MARCHF1: variants seen among roughly 807,000 people sequenced by gnomAD.
MARCHF1 encodes the protein E3 ubiquitin-protein ligase MARCHF1.
MARCHF1 carries 40 observed loss-of-function variants against 54.2 expected under a neutral mutation model. The observed-to-expected ratio is 0.74, with a 90% CI of 0.57 to 0.96. MARCHF1 has a LOEUF of 0.96. MARCHF1 is among the 40% of genes least tolerant of loss of function. The probability of loss-of-function intolerance (pLI) is 0.00; values close to 1 mark genes in which losing one functional copy is unlikely to be tolerated. For synonymous variants in MARCHF1, 236 were observed against 236.3 expected, an observed-to-expected ratio of 1.00 and a Z score of 0.01; for missense variants, 586 against 656.5, an observed-to-expected ratio of 0.89 and a Z score of 1.17.
intron 2 of MARCHF1, among the ~76,000 whole-genome samples, chr4:164,058,282 G>C (rs1754538704): frequency 6.6e-6 from 1 of 152,118 alleles, no homozygotes. Context: ...AAAGAGAAAA[G>C]AAAATCTAAT....
At chr4:163,690,306 T>C (rs1438355354) in intron 5 of MARCHF1, among the ~76,000 whole-genome samples, 1 of 152,244 alleles carries the variant, frequency 6.6e-6, no homozygotes, top group Non-Finnish European at 1.5e-5. Flanking sequence ...ATGTTCACAG[T>C]GTCAATAGAA....
chr4:163,949,434 T>A (rs1752088003), intron 3 of MARCHF1, among the ~76,000 whole-genome samples: 1 of 152,170 alleles, frequency 6.6e-6, no homozygotes, highest in South Asian at 2.1e-4. Flanking sequence ...CTGCAGCTCG[T>A]CTATCCTCTC....
At chr4:163,627,213 T>C (rs1186829494) in intron 5 of MARCHF1, among the ~76,000 whole-genome samples, 1 of 152,160 alleles carries the variant, frequency 6.6e-6, no homozygotes, top group African/African-American at 2.4e-5. Context: ...AAATTCACTA[T>C]CATCTGAGAA....
chr4:164,056,181 C>G (rs933345603), intron 2 of MARCHF1, among the ~76,000 whole-genome samples: 1 of 152,140 alleles, frequency 6.6e-6, no homozygotes, highest in African/African-American at 2.4e-5. Flanking sequence ...TCTCCCATAA[C>G]CAGCACCTAC....
At chr4:163,553,041 A>AG (rs1739165777) in intron 8 of MARCHF1, among the ~76,000 whole-genome samples, 2 of 113,074 alleles carry the variant, frequency 1.8e-5, no homozygotes, top group African/African-American at 2.8e-5. Context: ...TCAAAAAAAA[A>AG]AAAAAAAAAA....
chr4:164,365,633 C>T (rs1042587867), intron 1 of MARCHF1, among the ~76,000 whole-genome samples: 6 of 151,950 alleles, frequency 3.9e-5, no homozygotes, highest in Non-Finnish European at 4.4e-5. Context: ...ATCTCATTTA[C>T]TTAGATGTTA....
In MARCHF1 at chr4:163,802,543, T is replaced by C. The variant is rs529191283; in HGVS notation, c.111+51478A>G. Among the ~76,000 whole-genome samples, 12 of 152,324 alleles carry C rather than the reference T, an allele frequency of 7.9e-5. No homozygotes were observed. The East Asian group carries it at 2.1e-3, about 27-fold the overall frequency. ...TTTTTAATCCTCAAGCAGCTTTTGC[T>C]GTAACTGCAGTGTTTTTTACAGGAG... On this transcript the variant is annotated intron_variant, in intron 4 of 9. Transcript: ENST00000514618.
At chr4:163,901,374 T>C (rs187177162) in intron 3 of MARCHF1, among the ~76,000 whole-genome samples, 267 of 152,350 alleles carry the variant, frequency 1.8e-3, no homozygotes, top group Middle Eastern at 0.01. Context: ...AGTAACCTAA[T>C]GGCAAACTTT....
At chr4:164,056,503 G>A (rs926145477) in intron 2 of MARCHF1, among the ~76,000 whole-genome samples, 4 of 101,390 alleles carry the variant, frequency 3.9e-5, no homozygotes, top group Non-Finnish European at 8.8e-5. Flanking sequence ...GCTTTTCTTG[G>A]AAGATTTCCT....
At chr4:163,604,554 A>G (rs887382341) in intron 7 of MARCHF1, among the ~76,000 whole-genome samples, 4 of 152,050 alleles carry the variant, frequency 2.6e-5, no homozygotes, top group Admixed American at 6.6e-5. Context: ...TCTTGTCTCC[A>G]CCAATCTATT....
At chr4:164,085,694 A>T (rs1022380472) in intron 2 of MARCHF1, among the ~76,000 whole-genome samples, 2 of 151,826 alleles carry the variant, frequency 1.3e-5, no homozygotes, top group African/African-American at 4.8e-5. Flanking sequence ...CGCAAATAAA[A>T]CCCTTAAGTA....
At chr4:164,026,113 A>C (rs1753761309) in intron 2 of MARCHF1, among the ~76,000 whole-genome samples, 1 of 152,080 alleles carries the variant, frequency 6.6e-6, no homozygotes, top group African/African-American at 2.4e-5. Flanking sequence ...ACAACAAAAA[A>C]TTGCTGGACA....
At chr4:163,631,280 C>T (rs1168924125) in intron 5 of MARCHF1, among the ~76,000 whole-genome samples, 1 of 150,096 alleles carries the variant, frequency 6.7e-6, no homozygotes, top group Non-Finnish European at 1.5e-5. Flanking sequence ...GCAACCTCTG[C>T]CTCACAGATT....
chr4:164,332,489 T>A (rs1273587460), intron 1 of MARCHF1, among the ~76,000 whole-genome samples: 1 of 152,230 alleles, frequency 6.6e-6, no homozygotes, highest in Non-Finnish European at 1.5e-5. Flanking sequence ...GATGGTGTGA[T>A]AGCAGGCAGT....
At chr4:164,045,937 T>G (rs1177587425) in intron 2 of MARCHF1, among the ~76,000 whole-genome samples, 1 of 152,206 alleles carries the variant, frequency 6.6e-6, no homozygotes, top group Non-Finnish European at 1.5e-5. Context: ...AGCAAATAAG[T>G]TAGCCTGCTG....
At chr4:164,025,312 A>G (rs544576103) in intron 2 of MARCHF1, among the ~76,000 whole-genome samples, 71 of 152,224 alleles carry the variant, frequency 4.7e-4, no homozygotes, top group Middle Eastern at 6.8e-3. Flanking sequence ...CACAGAACAT[A>G]TTCTTTAAAA....
chr4:164,340,924 A>G (rs1306604375), intron 1 of MARCHF1, among the ~76,000 whole-genome samples: 1 of 151,848 alleles, frequency 6.6e-6, no homozygotes, highest in Non-Finnish European at 1.5e-5. Flanking sequence ...TACAAAAAAA[A>G]AAAAAAAAAA....
At chr4:163,811,286 A>G (rs1015678717) in intron 4 of MARCHF1, among the ~76,000 whole-genome samples, 1 of 152,042 alleles carries the variant, frequency 6.6e-6, no homozygotes, top group Non-Finnish European at 1.5e-5. Flanking sequence ...TAAACAATTT[A>G]TTTTGTTTAG....
chr4:164,131,913 C>T (rs1238540762), intron 1 of MARCHF1, among the ~76,000 whole-genome samples: 1 of 152,022 alleles, frequency 6.6e-6, no homozygotes, highest in Non-Finnish European at 1.5e-5. Context: ...TACAGAAATG[C>T]ATTGACATAC....
Sources: allele counts gnomAD v4.1 joint callset (sites outside exome capture counted in the v4.1 genomes callset), GRCh38; gene constraint gnomAD v4.1.1; transcripts MANE v1.5; gene names NCBI Gene and HGNC (gene_info 2026-07-23, HGNC 2026-07-21).